AGAP1: variants seen among roughly 807,000 people sequenced by gnomAD.
AGAP1 encodes arf-GAP with GTPase, ANK repeat and PH domain-containing protein 1.
In AGAP1, 29 loss-of-function variants were observed where a neutral mutation model predicts 105.3. The ratio of observed to expected loss-of-function variants is 0.28; its 90% CI spans 0.21 to 0.38. AGAP1 has a LOEUF of 0.38. Among genes scored for constraint, AGAP1 ranks in the 10% least tolerant of loss-of-function variants. The pLI is 1.00. For synonymous variants in AGAP1, 509 were observed against 485.9 expected (o/e 1.05, Z -0.63); for missense variants, 998 against 1,165.1 (o/e 0.86, Z 2.09).
At chr2:235,785,397 A>G (rs982667529) in intron 6 of AGAP1, among the ~76,000 whole-genome samples, 1 of 152,212 alleles carries the variant, frequency 6.6e-6, no homozygotes, top group Non-Finnish European at 1.5e-5. Flanking sequence ...TTTTAAAAAG[A>G]AAACCAATTA....
chr2:235,795,373 C>T (rs1336863174), intron 6 of AGAP1, among the ~76,000 whole-genome samples: 1 of 152,198 alleles, frequency 6.6e-6, no homozygotes, highest in East Asian at 1.9e-4. Flanking sequence ...CTATTTGCAG[C>T]ATTGACTCTG....
At chr2:235,686,620 G>T (rs10195920) in intron 1 of AGAP1, among the ~76,000 whole-genome samples, 2,632 of 56,272 alleles carry the variant, frequency 0.047, 116 homozygotes, top group African/African-American at 0.1. Flanking sequence ...TGGAGATATA[G>T]ATATATATAT....
rs185051590 is a variant in AGAP1 at position 235,988,074 on chromosome 2, A to T, written c.1645+19451A>T. Among the ~76,000 whole-genome samples the T allele has an allele frequency of 3.6e-3, 554 of 152,146 alleles. No homozygotes were observed. The highest frequency in any genetic ancestry group is 0.013 in the African/African-American group (524 of 41,484). On this transcript the variant is annotated intron_variant, in intron 13 of 17. Coordinates refer to ENST00000304032, the MANE Select transcript of AGAP1 (RefSeq NM_001037131.3). The surrounding 1 kb of genome is among the most constrained non-coding windows in gnomAD (Gnocchi z 4.7). The stretch of plus-strand genomic sequence containing the variant: ...TTTTGTTTTTTGAAACAAGAGTCTC[A>T]CTCTGTTGCCCAGGCTGGAGTGTGG...
At chr2:235,707,169 G>T (rs988080693) in intron 1 of AGAP1, among the ~76,000 whole-genome samples, 5 of 152,226 alleles carry the variant, frequency 3.3e-5, no homozygotes, top group African/African-American at 1.2e-4. Flanking sequence ...AAGTCTTTGC[G>T]GGCAGTGCAG....
Position 235,883,186 on chromosome 2 carries a change from G to A in AGAP1, c.1051-159G>A, listed in dbSNP as rs965842766. 1.4e-4 allele frequency among the ~76,000 whole-genome samples: 21 copies of A among 151,992 alleles called. No individual in the cohort carries two copies. The highest frequency in any genetic ancestry group is 4.6e-4 in the African/African-American group (19 of 41,380). On this transcript the variant is annotated intron_variant, in intron 9 of 17. Transcript: ENST00000304032. This position sits in a 1 kb window ranked among gnomAD's most constrained non-coding sequence, Gnocchi z 4.5. ...TAGCACGTCTCAATGTGTTTGTGTC[G>A]TATTTGTTGAACTAATGGCATATCT...
In AGAP1 at chr2:235,629,115, C is replaced by T. The variant is rs145361512; in HGVS notation, c.164-80064C>T. On this transcript the variant is annotated intron_variant, in intron 1 of 17. Transcript: ENST00000304032. ...GTGAGCCATTGTATCATTCTTATGC[C>T]TTTGTGTCCTCATACCTTAGCTCCC... Among the ~76,000 whole-genome samples the T allele has an allele frequency of 6.0e-3, 908 of 152,198 alleles. 10 individuals carry two copies. Among genetic ancestry groups the T allele is most frequent in the African/African-American group, 0.021 (854 of 41,522 alleles).
At chr2:235,767,909 CA>C (rs1955107114) in intron 6 of AGAP1, among the ~76,000 whole-genome samples, 1 of 151,588 alleles carries the variant, frequency 6.6e-6, no homozygotes, top group Non-Finnish European at 1.5e-5. Context: ...CTCAGCCTCC[CA>C]AGTAGCTGGG....
intron 1 of AGAP1, among the ~76,000 whole-genome samples, chr2:235,607,190 C>CG (rs529952871): frequency 1.4e-4 from 21 of 152,100 alleles, no homozygotes; most frequent in African/African-American, 5.1e-4. Flanking sequence ...TCCAGAGCCC[C>CG]CCCTTCCCTG....
At chr2:235,703,274 G>C (rs976909747) in intron 1 of AGAP1, among the ~76,000 whole-genome samples, 1 of 152,006 alleles carries the variant, frequency 6.6e-6, no homozygotes, top group African/African-American at 2.4e-5. Flanking sequence ...ATCAGGACTT[G>C]GCAGGCCATG....
intron 1 of AGAP1, among the ~76,000 whole-genome samples, chr2:235,529,803 A>T (rs1329304380): frequency 6.6e-6 from 1 of 152,204 alleles, no homozygotes. Flanking sequence ...TCGAGGCCCC[A>T]GGCCCATCAG....
chr2:235,623,323 C>G lies in AGAP1; in HGVS notation c.164-85856C>G, dbSNP rs1156753012. Among the ~76,000 whole-genome samples, 1 of 152,212 alleles carries G rather than the reference C, an allele frequency of 6.6e-6. No individual in the cohort carries two copies. The highest frequency in any genetic ancestry group is 1.9e-4 in the East Asian group (1 of 5,202). ...TGAATCTGGGCGTTAGCCTACAAAT[C>G]AAGATTTGCTTTGCCTCGTTGTGTA... On this transcript the variant is annotated intron_variant, in intron 1 of 17. Coordinates refer to ENST00000304032, the MANE Select transcript of AGAP1 (RefSeq NM_001037131.3). The surrounding 1 kb of genome is among the most constrained non-coding windows in gnomAD (Gnocchi z 4.5).
At position 235,716,560 on chromosome 2, in the gene AGAP1, A is replaced by T. The variant is rs900957583; in HGVS notation, c.223-997A>T. On this transcript the variant is annotated intron_variant, in intron 2 of 17. Transcript: ENST00000304032. The surrounding 1 kb of genome is among the most constrained non-coding windows in gnomAD (Gnocchi z 4.0). Reference sequence around the variant, plus strand: ...CCTTAATGAGCACCTGTGCCTGGGGATGGGTGCCTTGTGATGTTTTGGGCT... The same window carrying T: ...CCTTAATGAGCACCTGTGCCTGGGGTTGGGTGCCTTGTGATGTTTTGGGCT... 1.3e-5 allele frequency among the ~76,000 whole-genome samples: 2 copies of T among 152,014 alleles called. No individual in the cohort carries two copies. Among genetic ancestry groups the T allele is most frequent in the African/African-American group, 4.8e-5 (2 of 41,392 alleles).
At chr2:235,640,207 C>T (rs1416378748) in intron 1 of AGAP1, among the ~76,000 whole-genome samples, 1 of 152,242 alleles carries the variant, frequency 6.6e-6, no homozygotes, top group African/African-American at 2.4e-5. Flanking sequence ...ACAGTTGTTT[C>T]AGGCAAGCTT....
At chr2:235,522,520 A>T (rs1446966978) in intron 1 of AGAP1, among the ~76,000 whole-genome samples, 1 of 152,172 alleles carries the variant, frequency 6.6e-6, no homozygotes, top group Non-Finnish European at 1.5e-5. Flanking sequence ...GGAGAAGCCA[A>T]GCTGGGGAGG....
rs1949623749 is a variant in AGAP1 at position 235,689,294 on chromosome 2, T to TTGCC, written c.164-19884_164-19881dup. Among the ~76,000 whole-genome samples the TTGCC allele has an allele frequency of 1.3e-5, 2 of 151,890 alleles. No individual in the cohort carries two copies. The highest frequency in any genetic ancestry group is 1.3e-4 in the Admixed American group (2 of 15,236). The stretch of plus-strand genomic sequence containing the variant: ...AGCAAGAGCAATGGAGAGAGTGAGG[T>TTGCC]TGCCGTGTCCACAAGTCACTGCACA... On this transcript the variant is annotated intron_variant, in intron 1 of 17. Coordinates refer to ENST00000304032, the MANE Select transcript of AGAP1 (RefSeq NM_001037131.3). The surrounding 1 kb of genome is among the most constrained non-coding windows in gnomAD (Gnocchi z 4.2).
rs73998960 is a variant in AGAP1, at chr2:235,859,458, G to A, written c.1051-23887G>A. On this transcript the variant is annotated intron_variant, in intron 9 of 17. Transcript: ENST00000304032. ...ATGGGAGCATATTACCTCTAAAAAC[G>A]ACACACTATTTTGGATCTGCAGCTT... 4.6e-3 allele frequency among the ~76,000 whole-genome samples: 597 copies of A among 128,540 alleles called. 5 individuals are homozygous for A. The highest frequency in any genetic ancestry group is 0.017 in the African/African-American group (585 of 34,178). 84.3% of individuals were successfully genotyped at this position (128,540 alleles called of 152,430 possible). A position where few individuals can be genotyped will look rare whatever the true frequency, so the allele number is the denominator to read the frequency against.
At chr2:236,077,476 G>A (rs1425216139) in intron 16 of AGAP1, among the ~76,000 whole-genome samples, 4 of 151,814 alleles carry the variant, frequency 2.6e-5, no homozygotes, top group African/African-American at 4.8e-5. Flanking sequence ...GTGCCACCAC[G>A]GCCAGCTAAT....
rs186152350 is a variant in AGAP1, at chr2:235,508,480, A to G, written c.163+13631A>G. Among the ~76,000 whole-genome samples, 72 of 152,314 alleles carry G rather than the reference A, an allele frequency of 4.7e-4. No homozygotes were observed. The East Asian group carries it at 0.013, about 27-fold the overall frequency. ...ATTCACGCTCGGTTTTTTACTCATCAAGGTTATAAAGAAAATAACAGCTGT... is the reference window on the plus strand; with the variant it reads ...ATTCACGCTCGGTTTTTTACTCATCGAGGTTATAAAGAAAATAACAGCTGT... On this transcript the variant is annotated intron_variant, in intron 1 of 17. Coordinates refer to ENST00000304032, the MANE Select transcript of AGAP1 (RefSeq NM_001037131.3).
chr2:235,818,185 G>A (rs1378058708), intron 9 of AGAP1, among the ~76,000 whole-genome samples: 1 of 152,196 alleles, frequency 6.6e-6, no homozygotes, highest in Non-Finnish European at 1.5e-5. Context: ...AGTACATATT[G>A]TACATTACGT....
Sources: allele counts gnomAD v4.1 joint callset (sites outside exome capture counted in the v4.1 genomes callset), GRCh38; gene constraint gnomAD v4.1.1; non-coding constraint Gnocchi (gnomAD v3.1); transcripts MANE v1.5; gene names NCBI Gene and HGNC (gene_info 2026-07-23, HGNC 2026-07-21).